The following LRP8 variants were observed in gnomAD, a reference collection of about 807,000 sequenced individuals.
LRP8 encodes the protein low-density lipoprotein receptor-related protein 8.
LRP8 carries 46 observed loss-of-function variants against 111.6 expected under a neutral mutation model. That is an observed-to-expected ratio of 0.41 (90% confidence interval 0.33 to 0.53). LRP8 has a LOEUF of 0.53. LRP8 is among the 20% of genes least tolerant of loss of function. LRP8 has a pLI of 0.20. For missense variants in LRP8, 959 were observed against 1,297.4 expected, an observed-to-expected ratio of 0.74 and a Z score of 4.01; for synonymous variants, 464 against 511.2, an observed-to-expected ratio of 0.91 and a Z score of 1.24.
intron 9 of LRP8, among the ~76,000 whole-genome samples, chr1:53,264,908 C>G (rs568788042): frequency 2.6e-5 from 4 of 152,192 alleles, no homozygotes; most frequent in African/African-American, 9.6e-5. Context: ...TAGGCAGGAA[C>G]CCCATCTTGA....
intron 2 of LRP8, among the ~76,000 whole-genome samples, chr1:53,308,714 G>A (rs529549045): frequency 1.3e-5 from 2 of 152,328 alleles, no homozygotes; most frequent in South Asian, 4.1e-4. Context: ...GCTGACAGAC[G>A]TGACTGGGGG....
chr1:53,309,243 C>T (rs1652560422), intron 2 of LRP8, among the ~76,000 whole-genome samples: 1 of 152,154 alleles, frequency 6.6e-6, no homozygotes, highest in Non-Finnish European at 1.5e-5. Context: ...CCATTGCACT[C>T]CAGGCTGGGC....
chr1:53,274,890 A>G (rs1646871205), intron 6 of LRP8: 14 of 453,864 alleles, frequency 3.1e-5, no homozygotes, highest in South Asian at 2.0e-4. Flanking sequence ...GCTGGGGCCC[A>G]CAGGAGGCAA....
intron 3 of LRP8, among the ~76,000 whole-genome samples, chr1:53,284,707 A>G (rs1301981066): frequency 2.0e-5 from 3 of 152,244 alleles, no homozygotes; most frequent in Non-Finnish European, 4.4e-5. Flanking sequence ...TATAATTAAT[A>G]AGACATTTGC....
At chr1:53,255,490 T>A (rs948335227) in intron 15 of LRP8, among the ~76,000 whole-genome samples, 2 of 151,894 alleles carry the variant, frequency 1.3e-5, no homozygotes, top group Non-Finnish European at 2.9e-5. Flanking sequence ...TTCCATAGCA[T>A]CATGGTAGTA....
chr1:53,303,435 G>A lies in LRP8; in HGVS notation c.245-13746C>T, dbSNP rs149287048. On this transcript the variant is annotated intron_variant, in intron 2 of 18. Transcript: ENST00000306052. This position sits in a 1 kb window ranked among gnomAD's most constrained non-coding sequence, Gnocchi z 4.3. ...AGAAAAGGGGCCACAGCAGCCTCGC[G>A]CTCCCATGGCAACCTCAGCAAAGCA... Among the ~76,000 whole-genome samples, 1,627 of 152,278 alleles carry A rather than the reference G, an allele frequency of 0.011. 16 individuals carry two copies. The highest frequency in any genetic ancestry group is 0.014 in the Non-Finnish European group (929 of 68,012).
Position 53,299,546 on chromosome 1 carries a change from G to A in LRP8, c.245-9857C>T, listed in dbSNP as rs539050661. Reference sequence around the variant, plus strand: ...CTCACCAGGGAGTGTGTGGCAGGCTGTGCCCAGGAGGCTGGTGTGAGCTCT... The same window carrying A: ...CTCACCAGGGAGTGTGTGGCAGGCTATGCCCAGGAGGCTGGTGTGAGCTCT... On this transcript the variant is annotated intron_variant, in intron 2 of 18. Transcript: ENST00000306052. Among the ~76,000 whole-genome samples, 6 of 152,298 alleles carry A rather than the reference G, an allele frequency of 3.9e-5. No individual in the cohort carries two copies. In the South Asian group the frequency reaches 1.2e-3, roughly 32 times the overall value.
intron 2 of LRP8, among the ~76,000 whole-genome samples, chr1:53,316,734 G>C (rs758033209): frequency 1.6e-4 from 25 of 152,260 alleles, no homozygotes; most frequent in Non-Finnish European, 2.8e-4. Flanking sequence ...AGAGGGGCAA[G>C]CATCTGCCAA....
At position 53,321,573 on chromosome 1, in the gene LRP8, C is replaced by T. The variant is rs1654520889; in HGVS notation, c.244+5300G>A. On this transcript the variant is annotated intron_variant, in intron 2 of 18. Transcript: ENST00000306052. ...CACTGCCCCCTGGGGGTCTCTCTCT[C>T]TCTGGCTTCACCTGCTACCAGCATT... Among the ~76,000 whole-genome samples the T allele has an allele frequency of 2.0e-5, 3 of 152,190 alleles. 1 individual carries two copies. The highest frequency in any genetic ancestry group is 2.9e-5 in the Non-Finnish European group (2 of 68,016).
chr1:53,298,281 G>A (rs773504671), intron 2 of LRP8, among the ~76,000 whole-genome samples: 4 of 152,218 alleles, frequency 2.6e-5, no homozygotes, highest in Admixed American at 6.5e-5. Context: ...GGGACAGACC[G>A]ACAAAGGCGT....
chr1:53,304,363 G>T (rs1186518887), intron 2 of LRP8, among the ~76,000 whole-genome samples: 1 of 152,196 alleles, frequency 6.6e-6, no homozygotes, highest in African/African-American at 2.4e-5. Context: ...GCAGCCACTG[G>T]ACTGCTTGGC....
chr1:53,247,121 C>T, intron 18 of LRP8, 65 bp from the exon 19 acceptor site: 4 of 1,298,182 alleles, frequency 3.1e-6, no homozygotes, highest in Non-Finnish European at 4.3e-6. Flanking sequence ...TTAGTATTGA[C>T]AAATCACAGA....
At chr1:53,312,058 C>T (rs954966690) in intron 2 of LRP8, among the ~76,000 whole-genome samples, 1 of 152,210 alleles carries the variant, frequency 6.6e-6, no homozygotes, top group Non-Finnish European at 1.5e-5. Flanking sequence ...GTGAGGCCAA[C>T]ATGGGACACA....
Position 53,276,547 on chromosome 1 carries a change from T to C in LRP8, c.883+145A>G, listed in dbSNP as rs12027938. 0.017 allele frequency: 9,925 copies of C among 575,848 alleles called. 542 individuals are homozygous for C. In the East Asian group the frequency reaches 0.19, roughly 11 times the overall value. The allele number at this position is 575,848 out of a possible 1,614,324, so 35.7% of individuals were successfully genotyped here. A position where few individuals can be genotyped will look rare whatever the true frequency, so the allele number is the denominator to read the frequency against. ...CGTGAATTCAAATAAGTCACCTCAC[T>C]TCTCCCAGCCTCGGTCTCCTCTGTA... On this transcript the variant is annotated intron_variant, in intron 5 of 18. Transcript: ENST00000306052.
At position 53,243,835 on chromosome 1, in the gene LRP8, C is replaced by T. The variant is rs1645682129; in HGVS notation, c.*3183G>A. ...GACCCCTCTCTCCTTTGAGCCCTAA[C>T]AGTGCTCTGAATAGAATCAATGCCT... On this transcript the variant is annotated 3_prime_UTR_variant, in exon 19 of 19. Transcript: ENST00000306052. 6.6e-6 allele frequency: 1 copy of T among 152,236 alleles called. No individual in the cohort carries two copies. The highest frequency in any genetic ancestry group is 1.5e-5 in the Non-Finnish European group (1 of 68,050). The allele number at this position is 152,236 out of a possible 1,614,324, so 9.4% of individuals were successfully genotyped here.
chr1:53,255,275 T>C (rs1215528282), intron 15 of LRP8, 90 bp from the exon 16 acceptor site: 1 of 1,026,846 alleles, frequency 9.7e-7, no homozygotes, highest in East Asian at 2.4e-5. Flanking sequence ...ACCCAACTGC[T>C]GCTCATCCTC....
rs1164419366 is a variant in LRP8, at chr1:53,275,657, C to T, written c.980G>A (p.Gly327Glu). 1 of 1,613,938 alleles carries T rather than the reference C, an allele frequency of 6.2e-7. No individual in the cohort carries two copies. The highest frequency in any genetic ancestry group is 2.2e-5 in the East Asian group (1 of 44,898). The change falls in exon 6 of 19, where the codon GGG becomes GAG. Residue 327 changes from glycine (G) to glutamate (E), a missense_variant. Around this residue, in one of 3 missense-constraint regions of LRP8, gnomAD observed 819 missense variants for 1,097.6 expected, o/e 0.75. Transcript: ENST00000306052. This position sits in a 1 kb window ranked among gnomAD's most constrained non-coding sequence, Gnocchi z 4.4. ...HCNQEQDCPD[G>E]SDEAGCLQGL... ...CTGTAGGCAGCCAGCTTCATCACTC[C>T]CATCTGGACAGTCCTGCTCCTGGTT...
chr1:53,292,292 A>G (rs1184062908), intron 2 of LRP8, among the ~76,000 whole-genome samples: 1 of 152,228 alleles, frequency 6.6e-6, no homozygotes, highest in Non-Finnish European at 1.5e-5. Context: ...TACGTGCAGA[A>G]CTAGAAGAAA....
In LRP8 at chr1:53,280,638, C is replaced by T. The variant is rs139931657; in HGVS notation, c.445G>A (p.Asp149Asn). Residue 149 changes from aspartate (D) to asparagine (N), a missense_variant, in exon 4 of 19, where the codon GAC becomes AAC. By Grantham distance (23) the Asp-to-Asn change is conservative. This residue lies in a region of LRP8 where 43 missense variants were observed against 92.4 expected (regional missense o/e 0.47). Transcript: ENST00000306052. ...CCACCCTCGCAGTCCTTCTCCCCGT[C>T]GCAGCGCCACGAGGCAGGTACACAC... The part of the protein sequence containing the change: ...HKCVPASWRC[D>N]GEKDCEGGAD... 6.8e-6 allele frequency: 11 copies of T among 1,613,392 alleles called. No individual in the cohort carries two copies. Among genetic ancestry groups the T allele is most frequent in the African/African-American group, 1.3e-5 (1 of 74,938 alleles).
Sources: gnomAD v4.1 joint callset for allele counts (sites outside exome capture counted in the v4.1 genomes callset) on GRCh38, gnomAD v4.1.1 for gene constraint, gnomAD v4.1.1 regional missense constraint, Gnocchi (gnomAD v3.1) non-coding constraint, MANE v1.5 for transcripts, NCBI Gene and HGNC (gene_info 2026-07-23, HGNC 2026-07-21) for gene names.